The following PPFIBP2 variants were observed in gnomAD, a reference collection of about 807,000 sequenced individuals.
PPFIBP2 encodes the protein PPFIB scaffold protein 2.
A neutral mutation model predicts 118.3 loss-of-function variants in PPFIBP2; 118 were observed. The ratio of observed to expected loss-of-function variants is 1.00; its 90% CI spans 0.86 to 1.16. PPFIBP2 has a LOEUF of 1.16. PPFIBP2 is among the 50% of genes most tolerant of loss of function. The pLI, the probability that PPFIBP2 is intolerant of heterozygous loss-of-function variation, is 0.00. For missense variants in PPFIBP2, 1,195 were observed against 1,073.1 expected, an observed-to-expected ratio of 1.11 and a Z score of -1.59; for synonymous variants, 414 against 397.4, an observed-to-expected ratio of 1.04 and a Z score of -0.50.
chr11:7,588,517 C>G (rs1415608127), intron 3 of PPFIBP2, among the ~76,000 whole-genome samples: 1 of 152,336 alleles, frequency 6.6e-6, no homozygotes, highest in South Asian at 2.1e-4. Context: ...TGCCCAGCCA[C>G]GGCAGTGGTA....
At chr11:7,543,785 A>G (rs1316051682) in intron 1 of PPFIBP2, among the ~76,000 whole-genome samples, 2 of 152,234 alleles carry the variant, frequency 1.3e-5, no homozygotes, top group Admixed American at 1.3e-4. Context: ...TTAACACAGT[A>G]TATAAATCAC....
intron 1 of PPFIBP2, among the ~76,000 whole-genome samples, chr11:7,546,202 A>G (rs544298360): frequency 6.6e-6 from 1 of 152,302 alleles, no homozygotes; most frequent in African/African-American, 2.4e-5. Flanking sequence ...ATGAAAGCAC[A>G]TTGTATGATA....
intron 3 of PPFIBP2, chr11:7,576,712 C>T (rs1856379294): frequency 1.3e-5 from 2 of 152,432 alleles, no homozygotes; most frequent in Admixed American, 1.3e-4. Flanking sequence ...GGTGCCCTGG[C>T]TGGTGGCCAA....
At chr11:7,518,998 G>T (rs1175441636) in intron 1 of PPFIBP2, among the ~76,000 whole-genome samples, 2 of 152,202 alleles carry the variant, frequency 1.3e-5, no homozygotes, top group African/African-American at 2.4e-5. Flanking sequence ...GGGTTTACAG[G>T]CTTCAGGAGA....
At chr11:7,612,457 A>G (rs897981462) in intron 6 of PPFIBP2, among the ~76,000 whole-genome samples, 2 of 152,210 alleles carry the variant, frequency 1.3e-5, no homozygotes, top group African/African-American at 4.8e-5. Flanking sequence ...AAGTATACAG[A>G]GTTAGCACCA....
chr11:7,620,857 C>T, intron 6 of PPFIBP2, 78 bp from the exon 7 acceptor site: 1 of 997,832 alleles, frequency 1.0e-6, no homozygotes, highest in Admixed American at 1.7e-5. Flanking sequence ...ACCCCATATG[C>T]ATGAGCTTAA....
intron 17 of PPFIBP2, among the ~76,000 whole-genome samples, chr11:7,642,740 G>C (rs1852388913): frequency 6.6e-6 from 1 of 152,200 alleles, no homozygotes; most frequent in South Asian, 2.1e-4. Context: ...ATATACCAAT[G>C]CAGAGTACAG....
At chr11:7,655,728 C>G (rs11041508), downstream of PPFIBP2, among the ~76,000 whole-genome samples, 81,780 of 151,596 alleles carry the variant, frequency 0.54, 23,547 homozygotes, top group Non-Finnish European at 0.65. Context: ...GGAGGCTCAT[C>G]GGCTGTTAGC....
At position 7,645,888 on chromosome 11, in the gene PPFIBP2, GT is replaced by G. The variant is rs573482902; in HGVS notation, c.1647-2494del. Among the ~76,000 whole-genome samples the G allele has an allele frequency of 9.2e-5, 14 of 152,218 alleles. No individual in the cohort carries two copies. In the South Asian group the frequency reaches 2.5e-3, roughly 27 times the overall value. ...ACTGAAATGTCCCTCAGATATGTTT[GT>G]TTTTCCCACTTCCAAGAAACAAGGA... On this transcript the variant is annotated intron_variant, in intron 17 of 23. Coordinates refer to ENST00000299492, the MANE Select transcript of PPFIBP2 (RefSeq NM_003621.5).
intron 1 of PPFIBP2, among the ~76,000 whole-genome samples, chr11:7,520,220 T>C (rs1183281051): frequency 1.3e-5 from 2 of 152,236 alleles, no homozygotes. Flanking sequence ...GCAGGGGTTT[T>C]ACAGTCTCCT....
At chr11:7,608,415 T>C (rs980147889) in intron 5 of PPFIBP2, among the ~76,000 whole-genome samples, 2 of 151,936 alleles carry the variant, frequency 1.3e-5, no homozygotes, top group African/African-American at 4.8e-5. Flanking sequence ...CTGAGGTGGG[T>C]GAATTACTGG....
At chr11:7,665,349 C>G in the PPFIBP2 span, 12 of 1,480,398 alleles carry the variant, frequency 8.1e-6, no homozygotes, top group Admixed American at 2.6e-5. Flanking sequence ...AAGGGACATG[C>G]AAAATTGCTG....
intron 21 of PPFIBP2, among the ~76,000 whole-genome samples, 195 bp downstream of exon 21, chr11:7,649,849 C>T (rs1853709374): frequency 6.6e-6 from 1 of 152,204 alleles, no homozygotes; most frequent in African/African-American, 2.4e-5. Flanking sequence ...TAGCCATAGA[C>T]CTCTAAGCTC....
chr11:7,638,016 G>A (rs932233583), intron 14 of PPFIBP2, among the ~76,000 whole-genome samples: 2 of 152,160 alleles, frequency 1.3e-5, no homozygotes, highest in African/African-American at 4.8e-5. Flanking sequence ...CCCTCCATAT[G>A]TCGTATATAA....
intron 1 of PPFIBP2, among the ~76,000 whole-genome samples, chr11:7,514,560 T>A (rs1849065881): frequency 6.6e-6 from 1 of 152,204 alleles, no homozygotes; most frequent in Non-Finnish European, 1.5e-5. Flanking sequence ...AATTCTCTGG[T>A]GGACACAGCG....
rs1212360798 is a variant in PPFIBP2 at position 7,650,864 on chromosome 11, G to A, written c.2146G>A (p.Val716Ile). ...GAGTAACCTTTCTCCTTCAGAAGTT[G>A]TACAGTGGTCCAACCACAGGGTGAT... ...DESNLSPSEVVQWSNHRVMEW... is the reference protein window; with the variant it reads ...DESNLSPSEVIQWSNHRVMEW... The change falls in exon 22 of 24, where the codon GTA becomes ATA. Residue 716 changes from valine (V) to isoleucine (I), a missense_variant. By Grantham distance (29) the Val-to-Ile change is conservative (BLOSUM62 3). Coordinates refer to ENST00000299492, the MANE Select transcript of PPFIBP2 (RefSeq NM_003621.5). 1 of 1,614,044 alleles carries A rather than the reference G, an allele frequency of 6.2e-7. No homozygotes were observed. The highest frequency in any genetic ancestry group is 8.5e-7 in the Non-Finnish European group (1 of 1,179,932).
chr11:7,549,215 T>A (rs1213500436), intron 1 of PPFIBP2, among the ~76,000 whole-genome samples: 3 of 152,188 alleles, frequency 2.0e-5, no homozygotes, highest in Non-Finnish European at 4.4e-5. Flanking sequence ...AGAGCCCTGG[T>A]GGTTTTTCAT....
intron 3 of PPFIBP2, among the ~76,000 whole-genome samples, chr11:7,583,946 A>T (rs1040003253): frequency 1.3e-5 from 2 of 152,096 alleles, no homozygotes; most frequent in South Asian, 4.2e-4. Context: ...AAGCCTTCAG[A>T]CTCAATCATT....
intron 2 of PPFIBP2, 69 bp from the exon 3 acceptor site, chr11:7,565,484 G>C (rs556913663): frequency 5.9e-6 from 9 of 1,513,066 alleles, no homozygotes; most frequent in Middle Eastern, 1.9e-4. Context: ...CACCACCTTT[G>C]CTCTTTACTA....
Sources: gnomAD v4.1 joint callset for allele counts (sites outside exome capture counted in the v4.1 genomes callset) on GRCh38, gnomAD v4.1.1 for gene constraint, MANE v1.5 for transcripts, NCBI Gene and HGNC (gene_info 2026-07-23, HGNC 2026-07-21) for gene names.